VIT: variants seen among roughly 807,000 people sequenced by gnomAD.
VIT encodes vitrin.
A neutral mutation model predicts 78.0 loss-of-function variants in VIT; 99 were observed. The ratio of observed to expected loss-of-function variants is 1.27; its 90% confidence interval spans 1.08 to 1.50. The LOEUF (loss-of-function observed/expected upper bound fraction) is 1.50. Among genes scored for constraint, VIT ranks in the 40% most tolerant of loss-of-function variants. VIT has a pLI of 0.00. For synonymous variants in VIT, 374 were observed against 334.3 expected, an observed-to-expected ratio of 1.12 and a Z score of -1.29; for missense variants, 1,126 against 875.3, an observed-to-expected ratio of 1.29 and a Z score of -3.61.
chr2:36,732,171 T>C (rs1471284344), intron 3 of VIT, among the ~76,000 whole-genome samples: 2 of 152,224 alleles, frequency 1.3e-5, no homozygotes, highest in African/African-American at 4.8e-5. Flanking sequence ...GTATCTTCAT[T>C]AACTCATATA....
intron 12 of VIT, among the ~76,000 whole-genome samples, chr2:36,797,918 T>G (rs1341839307): frequency 1.3e-5 from 2 of 152,118 alleles, no homozygotes; most frequent in Admixed American, 1.3e-4. Flanking sequence ...AGAGAGATTG[T>G]CAGCTGGGGC....
At chr2:36,773,944 C>T (rs1669907822) in intron 8 of VIT, 97 bp downstream of exon 8, 1 of 1,303,292 alleles carries the variant, frequency 7.7e-7, no homozygotes, top group Admixed American at 2.3e-5. Context: ...TAGATTTGGA[C>T]AAGGACTATT....
At chr2:36,796,774 A>G (rs913798127) in intron 12 of VIT, among the ~76,000 whole-genome samples, 4 of 151,962 alleles carry the variant, frequency 2.6e-5, no homozygotes, top group African/African-American at 9.7e-5. Flanking sequence ...GCCTGTAAAA[A>G]CTTTTGAAAG....
chr2:36,720,503 T>C (rs1024130724), intron 2 of VIT, among the ~76,000 whole-genome samples: 17 of 152,274 alleles, frequency 1.1e-4, no homozygotes, highest in African/African-American at 3.9e-4. Context: ...TTATTCTGCC[T>C]TAAAAAAAAG....
chr2:36,805,358 C>T (rs1006981763), intron 13 of VIT, 80 bp from the exon 14 acceptor site: 1 of 1,346,734 alleles, frequency 7.4e-7, no homozygotes. Flanking sequence ...TTTTTCTGGA[C>T]CTCTTTGTGC....
At chr2:36,709,211 G>A (rs1029351681) in intron 1 of VIT, among the ~76,000 whole-genome samples, 18 of 152,090 alleles carry the variant, frequency 1.2e-4, no homozygotes, top group Non-Finnish European at 1.9e-4. Flanking sequence ...GAATGAAGAT[G>A]GAGTAAGTGC....
At chr2:36,733,527 TAAC>T (rs1378353786) in intron 3 of VIT, among the ~76,000 whole-genome samples, 13 of 152,004 alleles carry the variant, frequency 8.6e-5, no homozygotes, top group Non-Finnish European at 1.6e-4. Flanking sequence ...CTGCCAACAT[TAAC>T]AACAACTCCT....
chr2:36,781,914 G>A, intron 10 of VIT, 143 bp downstream of exon 10: 1 of 1,005,398 alleles, frequency 9.9e-7, no homozygotes, highest in Non-Finnish European at 1.5e-6. Context: ...TGATTTAAGG[G>A]TCCTACAAAG....
intron 9 of VIT, among the ~76,000 whole-genome samples, chr2:36,776,751 C>T (rs1017797323): frequency 9.9e-5 from 15 of 151,278 alleles, no homozygotes; most frequent in East Asian, 2.0e-4. Context: ...GCTGAGATGG[C>T]GCCACTGCAC....
At chr2:36,703,178 G>A (rs1283927462) in intron 1 of VIT, among the ~76,000 whole-genome samples, 2 of 152,248 alleles carry the variant, frequency 1.3e-5, no homozygotes, top group African/African-American at 4.8e-5. Flanking sequence ...GGAGCTGATT[G>A]AGAACCAAGA....
At position 36,808,811 on chromosome 2, in the gene VIT, A is replaced by G. The variant is rs1666937424; in HGVS notation, c.1729A>G (p.Ile577Val). ...CAGCAAGCCTGACATCCTCAACGCC[A>G]TCAAGAGGGTGGGCTACTGGAGTGG... ...YSSKPDILNA[I>V]KRVGYWSGGT... is the part of the protein sequence containing the mutation. Residue 577 changes from isoleucine to valine, a missense_variant, in exon 15 of 16, where the codon ATC (isoleucine) becomes GTC (valine). By Grantham distance (29) the Ile-to-Val change is conservative (BLOSUM62 3). Coordinates refer to ENST00000379242, the MANE Select transcript of VIT (RefSeq NM_053276.4). 2 of 1,614,074 alleles carry G rather than the reference A, an allele frequency of 1.2e-6. No individual in the cohort carries two copies. The highest frequency in any genetic ancestry group is 1.7e-6 in the Non-Finnish European group (2 of 1,180,014).
chr2:36,743,156 A>G lies in VIT; in HGVS notation c.175A>G (p.Ile59Val). ...CGGAAAGATCATCGATCCTGAGTTC[A>G]TTGTGAAATGTCCAGCAGGATGCCA... ...KAGKIIDPEF[I>V]VKCPAGCQDP... Residue 59 changes from isoleucine (I) to valine (V), a missense_variant, in exon 4 of 16, where the codon ATT (isoleucine) becomes GTT (valine). Coordinates refer to ENST00000379242, the MANE Select transcript of VIT (RefSeq NM_053276.4). 6.2e-7 allele frequency: 1 copy of G among 1,614,064 alleles called. No individual in the cohort carries two copies.
At chr2:36,795,179 C>CA (rs1665783751) in intron 12 of VIT, among the ~76,000 whole-genome samples, 1 of 152,088 alleles carries the variant, frequency 6.6e-6, no homozygotes, top group African/African-American at 2.4e-5. Flanking sequence ...TCTGTATTTG[C>CA]AAATTTGCCT....
chr2:36,813,130 G>A (rs565583685), intron 15 of VIT, among the ~76,000 whole-genome samples: 119 of 144,650 alleles, frequency 8.2e-4, no homozygotes, highest in Admixed American at 1.9e-3. Context: ...ATGCGCCACC[G>A]CACCCAGCCT....
At chr2:36,771,440 C>T (rs535152983) in intron 7 of VIT, among the ~76,000 whole-genome samples, 10 of 151,212 alleles carry the variant, frequency 6.6e-5, no homozygotes, top group Non-Finnish European at 1.5e-4. Flanking sequence ...CCAGGAGAAT[C>T]GCTTGAACCC....
intron 9 of VIT, among the ~76,000 whole-genome samples, chr2:36,780,553 CA>C (rs1664677235): frequency 6.6e-6 from 1 of 152,156 alleles, no homozygotes; most frequent in South Asian, 2.1e-4. Context: ...TTAAGGCTCA[CA>C]AAGGGTATGT....
At chr2:36,738,618 G>A (rs1667650300) in intron 3 of VIT, among the ~76,000 whole-genome samples, 1 of 152,070 alleles carries the variant, frequency 6.6e-6, no homozygotes, top group Non-Finnish European at 1.5e-5. Flanking sequence ...CTGCCCTCAT[G>A]AATTTTATAT....
chr2:36,734,761 T>C (rs1181574950), intron 3 of VIT, among the ~76,000 whole-genome samples: 1 of 152,182 alleles, frequency 6.6e-6, no homozygotes, highest in Admixed American at 6.5e-5. Flanking sequence ...CACCCCTTTT[T>C]CCTTCTTTGC....
chr2:36,699,290 C>G (rs73924154), intron 1 of VIT, among the ~76,000 whole-genome samples: 1,605 of 46,058 alleles, frequency 0.035, 38 homozygotes, highest in African/African-American at 0.067. Flanking sequence ...AAGCTTCCCT[C>G]TCAATCCTAT....
Sources: allele counts gnomAD v4.1 joint callset (sites outside exome capture counted in the v4.1 genomes callset), GRCh38; gene constraint gnomAD v4.1.1; transcripts MANE v1.5; gene names NCBI Gene and HGNC (gene_info 2026-07-23, HGNC 2026-07-21).